KAT2B: variants seen among roughly 807,000 people sequenced by gnomAD.
KAT2B encodes histone acetyltransferase KAT2B.
A neutral mutation model predicts 105.9 loss-of-function variants in KAT2B; 36 were observed. The ratio of observed to expected loss-of-function variants is 0.34; its 90% confidence interval spans 0.26 to 0.45. The LOEUF (loss-of-function observed/expected upper bound fraction) is 0.45. Ranked by LOEUF, KAT2B falls within the 20% of genes least tolerant of loss-of-function variation. The probability of loss-of-function intolerance (pLI) is 1.00; values close to 1 mark genes in which losing one functional copy is unlikely to be tolerated. For missense variants in KAT2B, 820 were observed against 1,021.6 expected, an observed-to-expected ratio of 0.80 and a Z score of 2.69; for synonymous variants, 397 against 377.9, an observed-to-expected ratio of 1.05 and a Z score of -0.59.
intron 2 of KAT2B, among the ~76,000 whole-genome samples, chr3:20,076,305 A>G (rs1344421869): frequency 2.0e-5 from 3 of 152,168 alleles, no homozygotes; most frequent in Non-Finnish European, 4.4e-5. Flanking sequence ...TTCTCAGGGT[A>G]CGGGGGGTAT....
At chr3:20,103,914 C>T (rs1698953598) in intron 5 of KAT2B, among the ~76,000 whole-genome samples, 1 of 152,138 alleles carries the variant, frequency 6.6e-6, no homozygotes, top group African/African-American at 2.4e-5. Flanking sequence ...GTTTCTTTCT[C>T]TGTCCAAGTG....
chr3:20,073,534 G>A (rs1386133287), intron 2 of KAT2B, among the ~76,000 whole-genome samples: 1 of 152,142 alleles, frequency 6.6e-6, no homozygotes. Context: ...CATCACATTG[G>A]AATAACCTTC....
Position 20,131,621 on chromosome 3 carries a change from G to A in KAT2B, c.1749+4072G>A, listed in dbSNP as rs187373789. ...TTTGCTCTGTTGCCCAGGCTGGAGT[G>A]CAGTGGCATGATCACAGCTCCCTGC... On this transcript the variant is annotated intron_variant, in intron 11 of 17. Transcript: ENST00000263754. Among the ~76,000 whole-genome samples, 40 of 152,200 alleles carry A rather than the reference G, an allele frequency of 2.6e-4. 1 individual carries two copies. In the East Asian group the frequency reaches 7.5e-3, roughly 29 times the overall value.
In KAT2B at chr3:20,112,769, A is replaced by G. The variant is rs573531483; in HGVS notation, c.1043+982A>G. 3.9e-5 allele frequency among the ~76,000 whole-genome samples: 6 copies of G among 152,356 alleles called. No individual in the cohort carries two copies. In the East Asian group the frequency reaches 1.2e-3, roughly 29 times the overall value. On this transcript the variant is annotated intron_variant, in intron 6 of 17. Transcript: ENST00000263754. ...GGAAATATTCTTTGATCAAAGATTG[A>G]TGAAACACTGTTTTGTTTGAGAAAC... is the stretch of plus-strand genomic sequence containing the variant.
intron 2 of KAT2B, among the ~76,000 whole-genome samples, chr3:20,085,528 CA>C (rs756637093): frequency 8.5e-6 from 1 of 117,614 alleles, no homozygotes; most frequent in Non-Finnish European, 1.7e-5. Context: ...TTTTTTTTTG[CA>C]GGGGGCAGAG....
At chr3:20,081,080 A>C (rs1164812922) in intron 2 of KAT2B, among the ~76,000 whole-genome samples, 2 of 152,232 alleles carry the variant, frequency 1.3e-5, no homozygotes, top group Non-Finnish European at 2.9e-5. Context: ...TTTGCACATT[A>C]GTCAATTTGA....
At chr3:20,148,913 T>C (rs1331350879) in intron 17 of KAT2B, 1 of 159,380 alleles carries the variant, frequency 6.3e-6, no homozygotes, top group Non-Finnish European at 1.4e-5. Context: ...AGAAGTTAGA[T>C]TAAAGTACTT....
chr3:20,066,039 T>C (rs1046550846), intron 1 of KAT2B, among the ~76,000 whole-genome samples: 2 of 152,178 alleles, frequency 1.3e-5, no homozygotes, highest in Admixed American at 1.3e-4. Context: ...TTTTGGAGGC[T>C]AGAAGTCTGA....
At position 20,040,651 on chromosome 3, in the gene KAT2B, G is replaced by A; in HGVS notation, c.174G>A (p.Val58=). The A allele has an allele frequency of 1.3e-6, 2 of 1,484,410 alleles. No homozygotes were observed. Among genetic ancestry groups the A allele is most frequent in the South Asian group, 1.3e-5 (1 of 78,062 alleles). 92.0% of individuals were successfully genotyped at this position (1,484,410 alleles called of 1,614,324 possible). The part of the protein sequence containing the change: ...GSGACGPATA[V]AAAGTAEGPG... ...GCGCCTGCGGTCCGGCGACGGCAGT[G>A]GCTGCAGCGGGCACGGCCGAAGGAC... Residue 58 remains valine (V), a synonymous_variant, in exon 1 of 18, where the codon GTG becomes GTA. Transcript: ENST00000263754.
At chr3:20,136,044 G>A (rs1295828759) in intron 11 of KAT2B, among the ~76,000 whole-genome samples, 1 of 152,198 alleles carries the variant, frequency 6.6e-6, no homozygotes, top group African/African-American at 2.4e-5. Flanking sequence ...ATATGGATTA[G>A]GGGGTTAGAT....
At chr3:20,110,078 C>G (rs1287355061) in intron 5 of KAT2B, among the ~76,000 whole-genome samples, 1 of 152,076 alleles carries the variant, frequency 6.6e-6, no homozygotes, top group Non-Finnish European at 1.5e-5. Flanking sequence ...TATTATTCCT[C>G]TCTTCATTAA....
intron 14 of KAT2B, among the ~76,000 whole-genome samples, chr3:20,147,258 A>G (rs1268980809): frequency 2.0e-5 from 3 of 152,198 alleles, no homozygotes; most frequent in African/African-American, 7.2e-5. Context: ...CTTTTATGCT[A>G]AATCCAGAAA....
chr3:20,117,797 C>T (rs1361674222), intron 7 of KAT2B, among the ~76,000 whole-genome samples: 3 of 152,160 alleles, frequency 2.0e-5, no homozygotes, highest in Non-Finnish European at 2.9e-5. Context: ...TACCCCTTGT[C>T]ACCTCTCACC....
intron 1 of KAT2B, among the ~76,000 whole-genome samples, chr3:20,063,603 C>G (rs1698176363): frequency 7.4e-6 from 1 of 135,336 alleles, no homozygotes; most frequent in Non-Finnish European, 1.5e-5. Flanking sequence ...AATGTAGTGG[C>G]ACAATCTCAG....
chr3:20,048,416 G>A (rs1697853577), intron 1 of KAT2B, among the ~76,000 whole-genome samples: 1 of 152,182 alleles, frequency 6.6e-6, no homozygotes, highest in Non-Finnish European at 1.5e-5. Context: ...ATATAGCGCT[G>A]TTTAAGGTTT....
intron 1 of KAT2B, among the ~76,000 whole-genome samples, chr3:20,067,332 T>A (rs1698240353): frequency 6.6e-6 from 1 of 152,200 alleles, no homozygotes; most frequent in Non-Finnish European, 1.5e-5. Context: ...GTAACTTTTT[T>A]TTTTTATTGA....
intron 10 of KAT2B, 100 bp downstream of exon 10, chr3:20,126,213 A>C: frequency 2.2e-6 from 2 of 927,710 alleles, no homozygotes; most frequent in Non-Finnish European, 3.3e-6. Context: ...ACCGAATACT[A>C]CTGCACCTGT....
At chr3:20,085,514 T>TC (rs1436459271) in intron 2 of KAT2B, among the ~76,000 whole-genome samples, 3 of 147,838 alleles carry the variant, frequency 2.0e-5, no homozygotes, top group Non-Finnish European at 3.0e-5. Context: ...TTTCTTTCTT[T>TC]TTTTTTTTTT....
At chr3:20,067,513 A>G (rs1477424148) in intron 1 of KAT2B, among the ~76,000 whole-genome samples, 1 of 152,124 alleles carries the variant, frequency 6.6e-6, no homozygotes, top group Non-Finnish European at 1.5e-5. Flanking sequence ...TGTTGCAACA[A>G]TGAAGTTAAG....
Sources: gnomAD v4.1 joint callset for allele counts (sites outside exome capture counted in the v4.1 genomes callset) on GRCh38, gnomAD v4.1.1 for gene constraint, MANE v1.5 for transcripts, NCBI Gene and HGNC (gene_info 2026-07-23, HGNC 2026-07-21) for gene names.